The following IRAG2 variants were observed in gnomAD, a reference collection of about 807,000 sequenced individuals.
IRAG2 encodes lymphoid restricted membrane protein.
In IRAG2, 45 loss-of-function variants were observed where a neutral mutation model predicts 69.9. That is an observed-to-expected ratio of 0.64 (90% CI 0.51 to 0.83). The LOEUF is 0.83. Ranked by LOEUF, IRAG2 falls within the 40% of genes least tolerant of loss-of-function variation. IRAG2 has a pLI of 0.00. For synonymous variants in IRAG2, 193 were observed against 202.4 expected, an observed-to-expected ratio of 0.95 and a Z score of 0.40; for missense variants, 520 against 587.0, an observed-to-expected ratio of 0.89 and a Z score of 1.18.
intron 8 of IRAG2, 73 bp from the exon 9 acceptor site, chr12:25,079,583 A>G: frequency 1.6e-6 from 2 of 1,269,166 alleles, no homozygotes; most frequent in South Asian, 2.4e-5. Context: ...CTCCTTTTGC[A>G]TAGTATAGTT....
chr12:25,037,558 C>T (rs1474671601), intron 15 of IRAG2, among the ~76,000 whole-genome samples: 1 of 152,156 alleles, frequency 6.6e-6, no homozygotes, highest in Non-Finnish European at 1.5e-5. Context: ...CTCAGCCCCC[C>T]AAAGTGCTGG....
In IRAG2 at chr12:25,106,952, T is replaced by C; in HGVS notation, c.1158T>C (p.Asp386=). Residue 386 remains aspartate, a synonymous_variant, in exon 21 of 22, where the codon GAT becomes GAC. Transcript: ENST00000556887. The stretch of plus-strand genomic sequence containing the variant: ...CAACATTTATTTACAGAACTAAAGA[T>C]GACTCAGAGCCATCTGGAGAAGAAA... The part of the protein sequence containing the change: ...EEEKCELKTK[D]DSEPSGEETV... 6.4e-7 allele frequency: 1 copy of C among 1,562,550 alleles called. No homozygotes were observed. The highest frequency in any genetic ancestry group is 8.8e-7 in the Non-Finnish European group (1 of 1,142,366).
chr12:25,102,288 G>C, intron 17 of IRAG2, 47 bp downstream of exon 17: 4 of 1,482,196 alleles, frequency 2.7e-6, no homozygotes, highest in Non-Finnish European at 3.7e-6. Context: ...ACTATAAGAC[G>C]GTTTTAAAAT....
At chr12:25,043,888 A>G (rs1269589458) in intron 16 of IRAG2, among the ~76,000 whole-genome samples, 1 of 152,204 alleles carries the variant, frequency 6.6e-6, no homozygotes, top group African/African-American at 2.4e-5. Flanking sequence ...AACGGACCCT[A>G]ATGAAACAGG....
intron 9 of IRAG2, among the ~76,000 whole-genome samples, chr12:25,028,586 A>G (rs1400915062): frequency 6.6e-6 from 1 of 152,178 alleles, no homozygotes; most frequent in Non-Finnish European, 1.5e-5. Flanking sequence ...TTGTCTAGAT[A>G]GTGTCTAAAA....
At chr12:25,013,866 C>CTTT (rs71063386) in intron 3 of IRAG2, among the ~76,000 whole-genome samples, 1,129 of 79,610 alleles carry the variant, frequency 0.014, 117 homozygotes, top group South Asian at 0.02. Context: ...TTTTCTTTTT[C>CTTT]TTTTTTTTTT....
intron 3 of IRAG2, among the ~76,000 whole-genome samples, chr12:25,012,804 G>T (rs193261588): frequency 2.0e-5 from 3 of 152,146 alleles, no homozygotes; most frequent in Non-Finnish European, 2.9e-5. Context: ...CTCTAGCCTA[G>T]GCAACAGAGA....
intron 4 of IRAG2, chr12:25,015,302 G>C (rs1944518176): frequency 8.9e-6 from 11 of 1,230,310 alleles, no homozygotes; most frequent in Non-Finnish European, 1.1e-5. Context: ...TTTTCTTACG[G>C]TTTGTAGAAA....
Position 25,074,449 on chromosome 12 carries a change from C to T in IRAG2, c.25-4795C>T, listed in dbSNP as rs116502186. ...GCTTCCATGCAGACTTTTAACCTCTCGAGAAATTGTGGGGCCAAGAAGTTG... is the reference window on the plus strand; with the variant it reads ...GCTTCCATGCAGACTTTTAACCTCTTGAGAAATTGTGGGGCCAAGAAGTTG... On this transcript the variant is annotated intron_variant, in intron 6 of 21. Transcript: ENST00000556887. Among the ~76,000 whole-genome samples the T allele has an allele frequency of 5.2e-3, 785 of 152,230 alleles. 7 individuals carry two copies. Among genetic ancestry groups the T allele is most frequent in the African/African-American group, 0.018 (738 of 41,530 alleles).
chr12:25,077,319 T>TATATATATGAAATATATATGATATATATG lies in IRAG2; in HGVS notation c.25-1915_25-1914insAATATATATGATATATATGATATATATGA, dbSNP rs1565563274. On this transcript the variant is annotated intron_variant, in intron 6 of 21. Transcript: ENST00000556887. ...TATGAAATATATATGATATATATGA[T>TATATATATGAAATATATATGATATATATG]ATATATATGATATATATATGAAATA... Among the ~76,000 whole-genome samples the TATATATATGAAATATATATGATATATATG allele has an allele frequency of 3.3e-3, 91 of 27,706 alleles. 5 individuals carry two copies. Among genetic ancestry groups the TATATATATGAAATATATATGATATATATG allele is most frequent in the Non-Finnish European group, 5.8e-3 (75 of 12,836 alleles). The allele number at this position is 27,706 out of a possible 152,430, so 18.2% of individuals were successfully genotyped here. A position where few individuals can be genotyped will look rare whatever the true frequency, so the allele number is the denominator to read the frequency against.
intron 3 of IRAG2, among the ~76,000 whole-genome samples, chr12:25,013,392 T>C (rs983412684): frequency 6.6e-6 from 1 of 152,108 alleles, no homozygotes; most frequent in African/African-American, 2.4e-5. Context: ...GCAGGAGGAT[T>C]GCTTGAGCCC....
chr12:25,077,361 G>GAAATATATGAAATATATATGAA (rs376884646), intron 6 of IRAG2, among the ~76,000 whole-genome samples: 1 of 12,834 alleles, frequency 7.8e-5, no homozygotes, highest in Non-Finnish European at 1.6e-4. Context: ...TGATATATAT[G>GAAATATATGAAATATATATGAA]ATATATATGA....
chr12:25,087,577 G>T (rs753923154), intron 10 of IRAG2, among the ~76,000 whole-genome samples: 4 of 151,968 alleles, frequency 2.6e-5, no homozygotes, highest in African/African-American at 9.7e-5. Flanking sequence ...ATGTATTTAC[G>T]CCCTTTTTGC....
At chr12:25,005,099 G>C (rs861463) in intron 1 of IRAG2, 5 of 491,808 alleles carry the variant, frequency 1.0e-5, no homozygotes, top group Non-Finnish European at 1.3e-5. Context: ...GGAATACTTA[G>C]ATATAGGGGA....
chr12:25,023,635 CT>C (rs1352882232), intron 7 of IRAG2, among the ~76,000 whole-genome samples: 1 of 152,096 alleles, frequency 6.6e-6, no homozygotes, highest in African/African-American at 2.4e-5. Flanking sequence ...TTGTCTTTTC[CT>C]CCCTAACAAC....
chr12:25,058,404 T>C (rs1320152282), intron 1 of IRAG2, among the ~76,000 whole-genome samples: 1 of 152,246 alleles, frequency 6.6e-6, no homozygotes, highest in African/African-American at 2.4e-5. Context: ...TCTAAGTCTT[T>C]CACCCATTTT....
chr12:25,034,881 C>T (rs1944692354), intron 13 of IRAG2, among the ~76,000 whole-genome samples: 1 of 152,204 alleles, frequency 6.6e-6, no homozygotes, highest in Non-Finnish European at 1.5e-5. Flanking sequence ...GCTGTGCTTT[C>T]CTGACATTCT....
At chr12:25,047,312 G>T (rs1201251671), upstream of IRAG2, among the ~76,000 whole-genome samples, 1 of 152,104 alleles carries the variant, frequency 6.6e-6, no homozygotes, top group African/African-American at 2.4e-5. Context: ...AAGCAAAATA[G>T]GCATGTTGGA....
At chr12:25,038,100 C>A (rs1255811891) in exon 16 of IRAG2, 2 of 398,620 alleles carry the variant, frequency 5.0e-6, no homozygotes, top group African/African-American at 2.1e-5. Context: ...GAGATTCAGG[C>A]AGGAATATTT....
Sources: gnomAD v4.1 joint callset for allele counts (sites outside exome capture counted in the v4.1 genomes callset) on GRCh38, gnomAD v4.1.1 for gene constraint, MANE v1.5 for transcripts, NCBI Gene and HGNC (gene_info 2026-07-23, HGNC 2026-07-21) for gene names.